The following RPSA variants were observed in gnomAD, a reference collection of about 807,000 sequenced individuals.
RPSA encodes small ribosomal subunit protein uS2.
For missense variants in RPSA, 140 were observed against 372.8 expected (o/e 0.38, Z 5.14); for synonymous variants, 103 against 126.7 (o/e 0.81, Z 1.25).
At chr3:39,411,354 T>TA in intron 4 of RPSA, 2 of 570,786 alleles carry the variant, frequency 3.5e-6, no homozygotes, top group East Asian at 3.4e-5. Flanking sequence ...TATAAGATGC[T>TA]AAAAAGGTGG....
rs555669489 is a variant in RPSA, at chr3:39,410,570, C to G, written c.253-184C>G. ...TCGGGATATATAGTAGAAAAACAAG[C>G]CTGTCTTTTTTAATGTATGCAGGAA... On this transcript the variant is annotated intron_variant, in intron 3 of 6. Transcript: ENST00000301821. 41 of 663,280 alleles carry G rather than the reference C, an allele frequency of 6.2e-5. No homozygotes were observed. The African/African-American group carries it at 6.7e-4, about 11-fold the overall frequency. 41.1% of individuals were successfully genotyped at this position (663,280 alleles called of 1,614,324 possible). A position where few individuals can be genotyped will look rare whatever the true frequency, so the allele number is the denominator to read the frequency against.
chr3:39,412,269 A>C lies in RPSA; in HGVS notation c.794-5A>C. ...TGATGGCTTTTTTTGGTATTCTCTT[A>C]ACAGAAGACTGGAGCGCTCAGCCTG... On this transcript the variant is annotated splice_polypyrimidine_tract_variant and splice_region_variant and intron_variant, in intron 6 of 6. Transcript: ENST00000301821. 2 of 1,609,276 alleles carry C rather than the reference A, an allele frequency of 1.2e-6. No homozygotes were observed. Among genetic ancestry groups the C allele is most frequent in the Non-Finnish European group, 1.7e-6 (2 of 1,175,754 alleles).
Position 39,412,350 on chromosome 3 carries a change from A to G in RPSA, c.870A>G (p.Ala290=), listed in dbSNP as rs777439025. The change falls in exon 7 of 7, where the codon GCA becomes GCG. Residue 290 remains alanine (A), a synonymous_variant. Coordinates refer to ENST00000301821, the MANE Select transcript of RPSA (RefSeq NM_002295.6). ...CTCAGGCCACTGAATGGGTAGGAGC[A>G]ACCACTGACTGGTCTTAAGCTGTTC... ...PTAQATEWVG[A]TTDWS The G allele has an allele frequency of 1.3e-6, 2 of 1,530,288 alleles. No individual in the cohort carries two copies. 94.8% of individuals were successfully genotyped at this position (1,530,288 alleles called of 1,614,324 possible).
chr3:39,409,722 T>G (rs1378759254), intron 3 of RPSA, among the ~76,000 whole-genome samples: 1 of 152,082 alleles, frequency 6.6e-6, no homozygotes, highest in East Asian at 1.9e-4. Flanking sequence ...ATAGTTCCCG[T>G]TAATTGGGAG....
At chr3:39,408,771 C>A in intron 3 of RPSA, 47 bp downstream of exon 3, 1 of 1,069,850 alleles carries the variant, frequency 9.3e-7, no homozygotes, top group Non-Finnish European at 1.5e-6. Flanking sequence ...ATAAAGCTTA[C>A]AGACATTGTG....
At chr3:39,409,045 CTG>C (rs1339670784) in intron 3 of RPSA, 1 of 233,010 alleles carries the variant, frequency 4.3e-6, no homozygotes, top group Non-Finnish European at 8.4e-6. Flanking sequence ...AGATGCGCCA[CTG>C]TACTCCAGCC....
In RPSA at chr3:39,412,301, A is replaced by G. The variant is rs1195725996; in HGVS notation, c.821A>G (p.Glu274Gly). ...TEDWSAQPAT[E>G]DWSAAPTAQA... ...GACTGGAGCGCTCAGCCTGCCACGG[A>G]AGACTGGTCTGCAGCTCCCACTGCT... Residue 274 changes from glutamate to glycine, a missense_variant, in exon 7 of 7, where the codon GAA (glutamate) becomes GGA (glycine). Physicochemically the swap from Glu to Gly is moderately conservative, Grantham distance 98 (BLOSUM62 -2). Transcript: ENST00000301821. 2.5e-6 allele frequency: 4 copies of G among 1,611,212 alleles called. No individual in the cohort carries two copies. The highest frequency in any genetic ancestry group is 3.4e-6 in the Non-Finnish European group (4 of 1,177,714).
chr3:39,408,630 G>A lies in RPSA; in HGVS notation c.158G>A (p.Arg53Lys). 1 of 1,609,568 alleles carries A rather than the reference G, an allele frequency of 6.2e-7. No individual in the cohort carries two copies. Residue 53 changes from arginine to lysine, a missense_variant, in exon 3 of 7, where the codon AGG becomes AAG. Coordinates refer to ENST00000301821, the MANE Select transcript of RPSA (RefSeq NM_002295.6). ...GGCATCTATATCATAAATCTCAAGA[G>A]GACCTGGGAGAAGCTTCTGCTGGCA... ...SDGIYIINLKRTWEKLLLAAR... is the reference protein window; with the variant it reads ...SDGIYIINLKKTWEKLLLAAR...
intron 3 of RPSA, chr3:39,409,026 A>C (rs1316276317): frequency 3.2e-6 from 1 of 310,250 alleles, no homozygotes. Context: ...CGGAGCTTGC[A>C]GTGAGCTGAG....
At chr3:39,408,295 T>G in intron 2 of RPSA, 1 of 515,554 alleles carries the variant, frequency 1.9e-6, no homozygotes, top group Admixed American at 2.4e-5. Context: ...AGGGAAAGAG[T>G]GGCAGAAAGC....
chr3:39,412,375 C>G lies in RPSA; in HGVS notation c.*7C>G, dbSNP rs769811769. On this transcript the variant is annotated 3_prime_UTR_variant, in exon 7 of 7. Transcript: ENST00000301821. ...AACCACTGACTGGTCTTAAGCTGTTCTTGCATAGGCTCTTAAGCAGCATGG... is the reference window on the plus strand; with the variant it reads ...AACCACTGACTGGTCTTAAGCTGTTGTTGCATAGGCTCTTAAGCAGCATGG... 2 of 1,239,950 alleles carry G rather than the reference C, an allele frequency of 1.6e-6. No homozygotes were observed. The highest frequency in any genetic ancestry group is 2.4e-5 in the South Asian group (2 of 82,068). The allele number at this position is 1,239,950 out of a possible 1,614,324, so 76.8% of individuals were successfully genotyped here. A position where few individuals can be genotyped will look rare whatever the true frequency, so the allele number is the denominator to read the frequency against.
At chr3:39,408,578 T>G in intron 2 of RPSA, 28 bp from the exon 3 acceptor site, 1 of 1,194,544 alleles carries the variant, frequency 8.4e-7, no homozygotes, top group East Asian at 2.3e-5. Context: ...CCAGGTCAAG[T>G]GTTACAAATC....
intron 2 of RPSA, chr3:39,408,195 C>T: frequency 2.7e-6 from 1 of 371,866 alleles, no homozygotes; most frequent in Non-Finnish European, 5.2e-6. Flanking sequence ...AAGGCACTTA[C>T]TTATTTTAGA....
At chr3:39,412,116 A>G (rs1318333942) in intron 6 of RPSA, 55 bp downstream of exon 6, 2 of 1,542,848 alleles carry the variant, frequency 1.3e-6, no homozygotes, top group Non-Finnish European at 1.8e-6. Flanking sequence ...TCTCAGTTTT[A>G]TTCTAACTTT....
At position 39,411,955 on chromosome 3, in the gene RPSA, T is replaced by C. The variant is rs1386745545; in HGVS notation, c.687T>C (p.Gly229=). 1 of 1,600,248 alleles carries C rather than the reference T, an allele frequency of 6.2e-7. No homozygotes were observed. The highest frequency in any genetic ancestry group is 8.5e-7 in the Non-Finnish European group (1 of 1,179,942). Residue 229 remains glycine (G), a synonymous_variant, in exon 6 of 7, where the codon GGT becomes GGC. Coordinates refer to ENST00000301821, the MANE Select transcript of RPSA (RefSeq NM_002295.6). ...EKAVTKEEFQ[G]EWTAPAPEFT... ...CAGTGACCAAGGAGGAATTTCAGGG[T>C]GAATGGACTGCTCCCGCTCCTGAGT...
At chr3:39,412,101 C>A in intron 6 of RPSA, 40 bp downstream of exon 6, 1 of 1,585,458 alleles carries the variant, frequency 6.3e-7, no homozygotes. Context: ...TGATATTTTG[C>A]AACTTCTCAG....
chr3:39,410,601 T>C (rs1199081497), intron 3 of RPSA, 153 bp from the exon 4 acceptor site: 9 of 826,866 alleles, frequency 1.1e-5, no homozygotes, highest in Non-Finnish European at 1.6e-5. Flanking sequence ...AGGAAATCTC[T>C]GGAGAAGTAA....
intron 3 of RPSA, among the ~76,000 whole-genome samples, chr3:39,409,761 G>T (rs2041978328): frequency 6.6e-6 from 1 of 152,106 alleles, no homozygotes; most frequent in South Asian, 2.1e-4. Flanking sequence ...TCAAGTCCAG[G>T]AGCTGGGGGC....
intron 2 of RPSA, 180 bp downstream of exon 2, chr3:39,407,966 G>C (rs762889465): frequency 7.6e-5 from 44 of 577,220 alleles, no homozygotes; most frequent in Non-Finnish European, 1.2e-4. Context: ...TTCTGCTCCA[G>C]GGGAGGAATA....
Sources: gnomAD v4.1 joint callset for allele counts (sites outside exome capture counted in the v4.1 genomes callset) on GRCh38, gnomAD v4.1.1 for gene constraint, MANE v1.5 for transcripts, NCBI Gene and HGNC (gene_info 2026-07-23, HGNC 2026-07-21) for gene names.